Variants in SNED1 observed in about 807,000 individuals in gnomAD.
The protein encoded by SNED1 is sushi, nidogen and EGF like domains 1.
In SNED1, 81 loss-of-function variants were observed where a neutral mutation model predicts 166.7. That is an observed-to-expected ratio of 0.49 (90% confidence interval 0.41 to 0.58). SNED1 has a LOEUF of 0.58. SNED1 is among the 20% of genes least tolerant of loss of function. The pLI, the probability that SNED1 is intolerant of heterozygous loss-of-function variation, is 0.00. For synonymous variants in SNED1, 762 were observed against 822.0 expected (o/e 0.93, Z 1.25); for missense variants, 1,604 against 2,000.2 (o/e 0.80, Z 3.78).
At chr2:241,017,995 A>C (rs567681576) in intron 1 of SNED1, among the ~76,000 whole-genome samples, 2 of 152,074 alleles carry the variant, frequency 1.3e-5, no homozygotes, top group East Asian at 1.9e-4. Context: ...TGAAAGTCTC[A>C]TGTCCCGGGG....
intron 1 of SNED1, among the ~76,000 whole-genome samples, chr2:241,001,325 C>T (rs2060071496): frequency 6.6e-6 from 1 of 152,246 alleles, no homozygotes; most frequent in South Asian, 2.1e-4. Flanking sequence ...GAGATGGGTG[C>T]TTCTTCTGTC....
intron 1 of SNED1, among the ~76,000 whole-genome samples, chr2:241,017,079 G>A (rs1299236621): frequency 2.6e-5 from 4 of 151,908 alleles, no homozygotes; most frequent in African/African-American, 7.3e-5. Flanking sequence ...TCGAACTCCC[G>A]ACCTCAGGTG....
At chr2:241,088,193 A>G (rs535708421) in intron 30 of SNED1, 172 bp from the exon 31 acceptor site, 1 of 606,004 alleles carries the variant, frequency 1.7e-6, no homozygotes, top group African/African-American at 1.9e-5. Context: ...GCGGGCGCAC[A>G]CAAACTAAAA....
chr2:241,038,645 C>T (rs930550525), intron 6 of SNED1, among the ~76,000 whole-genome samples: 4 of 152,280 alleles, frequency 2.6e-5, no homozygotes, highest in African/African-American at 9.6e-5. Context: ...CATCCAGAAA[C>T]TCCTGCCCTG....
chr2:241,066,386 A>C (rs1300905175), intron 21 of SNED1, among the ~76,000 whole-genome samples: 1 of 152,212 alleles, frequency 6.6e-6, no homozygotes, highest in African/African-American at 2.4e-5. Flanking sequence ...GGACAGGGGC[A>C]GGGCCGGAAG....
Position 241,070,150 on chromosome 2 carries a change from A to ACGGAGCTCGGGC in SNED1, c.3541_3552dup (p.Glu1181_Pro1184dup). 6.2e-7 allele frequency: 1 copy of ACGGAGCTCGGGC among 1,609,440 alleles called. No individual in the cohort carries two copies. Among genetic ancestry groups the ACGGAGCTCGGGC allele is most frequent in the Non-Finnish European group, 8.5e-7 (1 of 1,179,194 alleles). On this transcript the variant is annotated inframe_insertion, in exon 24 of 32. Transcript: ENST00000310397. ...GCTCTCTGTGATAGCAGTGCAGAGC[A>ACGGAGCTCGGGC]CGGAGCTCGGGCCGCAGCACAGCGA...
intron 22 of SNED1, 27 bp downstream of exon 22, chr2:241,067,974 G>T: frequency 1.3e-6 from 2 of 1,589,472 alleles, no homozygotes; most frequent in Non-Finnish European, 1.7e-6. Context: ...AGAGCATGGG[G>T]CTGGGGTGAA....
chr2:241,072,177 A>G (rs942607682), intron 26 of SNED1: 89 of 636,456 alleles, frequency 1.4e-4, no homozygotes, highest in Non-Finnish European at 2.2e-4. Context: ...CTGAGACATT[A>G]CAGCAGCTTT....
intron 9 of SNED1, 104 bp downstream of exon 9, chr2:241,048,544 G>A: frequency 6.7e-7 from 1 of 1,492,506 alleles, no homozygotes; most frequent in Non-Finnish European, 9.1e-7. Flanking sequence ...AGAAACGTGT[G>A]AGTGCGCGTC....
At chr2:241,057,768 AT>A (rs1316897037) in intron 16 of SNED1, among the ~76,000 whole-genome samples, 13 of 152,208 alleles carry the variant, frequency 8.5e-5, no homozygotes, top group Admixed American at 1.3e-4. Flanking sequence ...CCATAAAAAA[AT>A]ATATTCTCAT....
At chr2:241,007,309 T>G (rs748061622) in intron 1 of SNED1, among the ~76,000 whole-genome samples, 45 of 152,230 alleles carry the variant, frequency 3.0e-4, no homozygotes, top group South Asian at 8.3e-4. Context: ...CCAAACCGCG[T>G]TCTCCCAGGC....
chr2:241,074,452 C>T (rs940758355), intron 27 of SNED1: 6 of 152,202 alleles, frequency 3.9e-5, no homozygotes, highest in Admixed American at 3.3e-4. Flanking sequence ...TGAACTAAAA[C>T]AAACATTTCA....
At position 241,080,900 on chromosome 2, in the gene SNED1, G is replaced by A. The variant is rs377144552; in HGVS notation, c.3917-777G>A. 8.7e-4 allele frequency among the ~76,000 whole-genome samples: 132 copies of A among 152,352 alleles called. 1 individual carries two copies. In the South Asian group the frequency reaches 0.02, roughly 23 times the overall value. ...AGGTGAGGGAAAGCCTGTCTTCACAGACCACTCTCCAGCTGGTGAGGGCAG... is the reference window on the plus strand; with the variant it reads ...AGGTGAGGGAAAGCCTGTCTTCACAAACCACTCTCCAGCTGGTGAGGGCAG... On this transcript the variant is annotated intron_variant, in intron 27 of 31. Coordinates refer to ENST00000310397, the MANE Select transcript of SNED1 (RefSeq NM_001080437.3).
In SNED1 at chr2:241,064,161, C is replaced by G. The variant is rs767848150; in HGVS notation, c.2599+36C>G. The G allele has an allele frequency of 2.2e-6, 3 of 1,391,544 alleles. No individual in the cohort carries two copies. The highest frequency in any genetic ancestry group is 4.1e-5 in the Admixed American group (2 of 48,828). The allele number at this position is 1,391,544 out of a possible 1,614,324, so 86.2% of individuals were successfully genotyped here. Reference sequence around the variant, plus strand: ...AGGCCTGCCTGCTCCCCGCCCTCTGCCCGCCTGCTCCCCGCCCTCTGCCCG... The same window carrying G: ...AGGCCTGCCTGCTCCCCGCCCTCTGGCCGCCTGCTCCCCGCCCTCTGCCCG... On this transcript the variant is annotated intron_variant, in intron 19 of 31. Coordinates refer to ENST00000310397, the MANE Select transcript of SNED1 (RefSeq NM_001080437.3). The surrounding 1 kb of genome is among the most constrained non-coding windows in gnomAD (Gnocchi z 7.0).
intron 2 of SNED1, among the ~76,000 whole-genome samples, chr2:241,031,175 T>C (rs2061157197): frequency 6.6e-6 from 1 of 152,170 alleles, no homozygotes; most frequent in African/African-American, 2.4e-5. Context: ...AAACACTTTT[T>C]TTTTTTTGAG....
chr2:241,036,972 C>T (rs1016373617), intron 5 of SNED1, 57 bp downstream of exon 5: 2 of 1,556,884 alleles, frequency 1.3e-6, no homozygotes, highest in Non-Finnish European at 1.7e-6. Context: ...TCAGGAGGAG[C>T]ACTGTAGGCT....
At chr2:241,034,047 CAG>C (rs1388221439) in intron 3 of SNED1, among the ~76,000 whole-genome samples, 172 bp downstream of exon 3, 1 of 152,210 alleles carries the variant, frequency 6.6e-6, no homozygotes, top group African/African-American at 2.4e-5. Flanking sequence ...TGCCCAAAAA[CAG>C]AAACATCCTC....
chr2:241,038,571 G>A (rs928656309), intron 6 of SNED1, among the ~76,000 whole-genome samples: 6 of 152,190 alleles, frequency 3.9e-5, no homozygotes, highest in Non-Finnish European at 7.3e-5. Context: ...CTTGCTCCCC[G>A]AGCCCTGCCA....
intron 1 of SNED1, among the ~76,000 whole-genome samples, chr2:241,006,025 A>G (rs947742811): frequency 3.3e-5 from 5 of 152,158 alleles, no homozygotes; most frequent in African/African-American, 9.7e-5. Context: ...TTGTATGTAC[A>G]TTAAACTTCT....
Sources: gnomAD v4.1 joint callset for allele counts (sites outside exome capture counted in the v4.1 genomes callset) on GRCh38, gnomAD v4.1.1 for gene constraint, Gnocchi (gnomAD v3.1) non-coding constraint, MANE v1.5 for transcripts, NCBI Gene and HGNC (gene_info 2026-07-23, HGNC 2026-07-21) for gene names.